Variants in LATS1 observed in about 807,000 individuals in gnomAD.
LATS1 encodes the protein large tumor suppressor kinase 1.
In LATS1, 25 loss-of-function variants were observed where a neutral mutation model predicts 106.6. The observed-to-expected ratio is 0.23, with a 90% confidence interval of 0.17 to 0.33. LATS1 has a LOEUF of 0.33. LATS1 is among the 10% of genes least tolerant of loss of function. LATS1 has a pLI of 1.00. For missense variants in LATS1, 1,040 were observed against 1,382.6 expected (o/e 0.75, Z 3.93); for synonymous variants, 465 against 455.6 (o/e 1.02, Z -0.26).
chr6:149,685,740 TTAAA>T (rs1447353080), intron 3 of LATS1, among the ~76,000 whole-genome samples: 2 of 151,982 alleles, frequency 1.3e-5, no homozygotes, highest in Non-Finnish European at 2.9e-5. Context: ...TAGCTGAATA[TTAAA>T]TAAAGTATAG....
intron 2 of LATS1, among the ~76,000 whole-genome samples, chr6:149,700,602 G>A (rs79616624): frequency 0.016 from 2,361 of 150,844 alleles, 63 homozygotes; most frequent in African/African-American, 0.055. Flanking sequence ...ATGGAAATTC[G>A]GCCACCAAAA....
At chr6:149,690,213 CTTTTTTTT>C (rs201743580) in intron 3 of LATS1, among the ~76,000 whole-genome samples, 1 of 125,480 alleles carries the variant, frequency 8.0e-6, no homozygotes, top group Admixed American at 8.8e-5. Flanking sequence ...TTCTTTTTTT[CTTTTTTTT>C]TTTTTTTTTG....
At chr6:149,694,781 T>C (rs989638712) in intron 3 of LATS1, among the ~76,000 whole-genome samples, 6 of 151,984 alleles carry the variant, frequency 3.9e-5, no homozygotes, top group African/African-American at 7.3e-5. Flanking sequence ...GAAAAAAGAG[T>C]AGTCTGAATG....
intron 7 of LATS1, 86 bp from the exon 8 acceptor site, chr6:149,662,324 G>C: frequency 9.0e-7 from 1 of 1,112,142 alleles, no homozygotes; most frequent in Non-Finnish European, 1.3e-6. Flanking sequence ...AGTCTCACTG[G>C]GCTATTTTTG....
rs550233074 is a variant in LATS1, at chr6:149,671,294, T to C, written c.2883+4966A>G. Among the ~76,000 whole-genome samples the C allele has an allele frequency of 4.7e-4, 72 of 151,926 alleles. 1 individual carries two copies. Among genetic ancestry groups the C allele is most frequent in the African/African-American group, 1.7e-3 (71 of 41,304 alleles). ...GATTACAGGCATGCACCACCACACT[T>C]GGCTAATTTTTGTAGTTTTAGCAGA... On this transcript the variant is annotated intron_variant, in intron 7 of 7. Transcript: ENST00000543571.
At chr6:149,676,041 TGTG>T in intron 7 of LATS1, 1 of 496,734 alleles carries the variant, frequency 2.0e-6, no homozygotes, top group Non-Finnish European at 3.6e-6. Context: ...TTTGTAGAGA[TGTG>T]GTCTCACATT....
At chr6:149,692,238 C>T (rs1282211603) in intron 3 of LATS1, among the ~76,000 whole-genome samples, 1 of 152,220 alleles carries the variant, frequency 6.6e-6, no homozygotes, top group Non-Finnish European at 1.5e-5. Flanking sequence ...TTTCCAGTCA[C>T]ATTTCACAAT....
At chr6:149,666,035 G>A (rs1280083113) in intron 7 of LATS1, among the ~76,000 whole-genome samples, 2 of 151,282 alleles carry the variant, frequency 1.3e-5, no homozygotes, top group African/African-American at 4.9e-5. Flanking sequence ...CTAGCTACCT[G>A]GGAGGCTGAG....
intron 1 of LATS1, among the ~76,000 whole-genome samples, chr6:149,714,429 T>A (rs1041516308): frequency 1.3e-5 from 2 of 152,186 alleles, no homozygotes; most frequent in African/African-American, 4.8e-5. Flanking sequence ...CATTGTGACA[T>A]AGTATTGTGC....
At chr6:149,710,733 C>T (rs1784043946) in intron 1 of LATS1, among the ~76,000 whole-genome samples, 1 of 152,134 alleles carries the variant, frequency 6.6e-6, no homozygotes, top group Admixed American at 6.6e-5. Flanking sequence ...TTTCATACAA[C>T]TACAAGGTCA....
At chr6:149,679,624 T>C (rs1204427000) in intron 5 of LATS1, among the ~76,000 whole-genome samples, 1 of 152,042 alleles carries the variant, frequency 6.6e-6, no homozygotes, top group Non-Finnish European at 1.5e-5. Context: ...CTCAAAAATG[T>C]TAATAATATT....
intron 3 of LATS1, among the ~76,000 whole-genome samples, chr6:149,694,357 G>T (rs1782943358): frequency 6.6e-6 from 1 of 152,038 alleles, no homozygotes. Flanking sequence ...TTTGAGACAG[G>T]GTCTGGCTCT....
Position 149,718,052 on chromosome 6 carries a change from G to A in LATS1, c.-344C>T. On this transcript the variant is annotated 5_prime_UTR_variant, in exon 1 of 8. Transcript: ENST00000543571. ...CCCTTAACACCAGGCCACCGCCGCC[G>A]CCGCCGCCATTTTGCCTTCCACTCA... 3.1e-6 allele frequency: 1 copy of A among 325,556 alleles called. No homozygotes were observed. The highest frequency in any genetic ancestry group is 6.0e-6 in the Non-Finnish European group (1 of 167,726). The allele number at this position is 325,556 out of a possible 1,614,324, so 20.2% of individuals were successfully genotyped here. A position where few individuals can be genotyped will look rare whatever the true frequency, so the allele number is the denominator to read the frequency against.
chr6:149,715,884 A>C (rs1487360588), intron 1 of LATS1, among the ~76,000 whole-genome samples: 1 of 152,200 alleles, frequency 6.6e-6, no homozygotes, highest in Non-Finnish European at 1.5e-5. Flanking sequence ...AATTCTTCAA[A>C]GCAAAACTGC....
At chr6:149,669,063 T>C (rs755462140) in intron 7 of LATS1, among the ~76,000 whole-genome samples, 32 of 152,100 alleles carry the variant, frequency 2.1e-4, no homozygotes, top group Middle Eastern at 3.4e-3. Context: ...GTTCCAGTGT[T>C]CTTCCTGCTG....
Position 149,683,442 on chromosome 6 carries a change from A to G in LATS1, c.1647T>C (p.Ala549=). 6.2e-7 allele frequency: 1 copy of G among 1,614,082 alleles called. No individual in the cohort carries two copies. The highest frequency in any genetic ancestry group is 8.5e-7 in the Non-Finnish European group (1 of 1,180,024). The change falls in exon 4 of 8, where the codon GCT becomes GCC. Residue 549 remains alanine, a synonymous_variant. Coordinates refer to ENST00000543571, the MANE Select transcript of LATS1 (RefSeq NM_004690.4). ...GTGGTGGTGGTCCTTGATAGTTTGG[A>G]GCTTCAGCAACAGGTGGCATCACAG... ...NVTVMPPVAE[A]PNYQGPPPPY...
intron 1 of LATS1, among the ~76,000 whole-genome samples, chr6:149,703,565 T>G (rs575309618): frequency 1.3e-5 from 2 of 152,214 alleles, no homozygotes; most frequent in South Asian, 4.1e-4. Context: ...AAAAATGAGA[T>G]TCAAGTACTT....
chr6:149,661,598 A>G lies in LATS1; in HGVS notation c.*131T>C. On this transcript the variant is annotated 3_prime_UTR_variant, in exon 8 of 8. Coordinates refer to ENST00000543571, the MANE Select transcript of LATS1 (RefSeq NM_004690.4). The stretch of plus-strand genomic sequence containing the variant: ...TAAAAGGATTTCCCATAATTTAGGA[A>G]AATAAAATATTGTACACAGAGCACA... The G allele has an allele frequency of 1.5e-6, 1 of 651,934 alleles. No individual in the cohort carries two copies. Among genetic ancestry groups the G allele is most frequent in the Admixed American group, 3.1e-5 (1 of 32,388 alleles). 40.4% of individuals were successfully genotyped at this position (651,934 alleles called of 1,614,324 possible).
At chr6:149,712,359 C>T (rs996457095) in intron 1 of LATS1, among the ~76,000 whole-genome samples, 2 of 152,038 alleles carry the variant, frequency 1.3e-5, no homozygotes, top group South Asian at 2.1e-4. Context: ...CCACCACACC[C>T]GGTTAATTTT....
Sources: gnomAD v4.1 joint callset for allele counts (sites outside exome capture counted in the v4.1 genomes callset) on GRCh38, gnomAD v4.1.1 for gene constraint, MANE v1.5 for transcripts, NCBI Gene and HGNC (gene_info 2026-07-23, HGNC 2026-07-21) for gene names.